The following ATP6V1A variants were observed in gnomAD, a reference collection of about 807,000 sequenced individuals.
ATP6V1A encodes the protein ATPase H+ transporting V1 subunit A, also known as V-type proton ATPase catalytic subunit A.
In ATP6V1A, 18 loss-of-function variants were observed where a neutral mutation model predicts 70.1. The observed-to-expected ratio is 0.26, with a 90% CI of 0.18 to 0.38. The LOEUF (loss-of-function observed/expected upper bound fraction) is 0.38. ATP6V1A is among the 10% of genes least tolerant of loss of function. The probability of loss-of-function intolerance (pLI) is 1.00; values close to 1 mark genes in which losing one functional copy is unlikely to be tolerated. For missense variants in ATP6V1A, 424 were observed against 772.4 expected (o/e 0.55, Z 5.35); for synonymous variants, 232 against 253.8 (o/e 0.91, Z 0.82).
chr3:113,753,560 A>C (rs1313851447), intron 1 of ATP6V1A, among the ~76,000 whole-genome samples: 1 of 152,196 alleles, frequency 6.6e-6, no homozygotes, highest in African/African-American at 2.4e-5. Flanking sequence ...GCCTGTTAAT[A>C]GGGGTATTGT....
chr3:113,760,712 A>G (rs1708693802), intron 1 of ATP6V1A, among the ~76,000 whole-genome samples: 2 of 152,062 alleles, frequency 1.3e-5, no homozygotes, highest in South Asian at 2.1e-4. Context: ...CTGGGCAACA[A>G]TAAGACTCCA....
In ATP6V1A at chr3:113,784,859, G is replaced by A; in HGVS notation, c.564+26G>A. ...GTAAGTATCATTTGAACTTTATCCT[G>A]CAGAGTGCCTCTATTTCTATATGAT... On this transcript the variant is annotated intron_variant, in intron 5 of 14. Coordinates refer to ENST00000273398, the MANE Select transcript of ATP6V1A (RefSeq NM_001690.4). 3 of 1,609,178 alleles carry A rather than the reference G, an allele frequency of 1.9e-6. No individual in the cohort carries two copies. The South Asian group carries it at 3.3e-5, about 18-fold the overall frequency.
Position 113,776,233 on chromosome 3 carries a change from C to T in ATP6V1A, c.-13-2508C>T, listed in dbSNP as rs575032225. Among the ~76,000 whole-genome samples the T allele has an allele frequency of 5.7e-3, 841 of 147,040 alleles. 2 individuals are homozygous for T. The highest frequency in any genetic ancestry group is 0.014 in the Admixed American group (202 of 14,804). ...AATTAGCTGGATGTGGTGTCGTGTG[C>T]TTGTCATGCCAACTACTGGGTGGGG... On this transcript the variant is annotated intron_variant, in intron 1 of 14. Coordinates refer to ENST00000273398, the MANE Select transcript of ATP6V1A (RefSeq NM_001690.4).
chr3:113,785,823 T>C (rs1472742360), intron 5 of ATP6V1A, among the ~76,000 whole-genome samples: 1 of 150,878 alleles, frequency 6.6e-6, no homozygotes, highest in African/African-American at 2.4e-5. Context: ...CCTTTACTTA[T>C]ATTTAACTAT....
chr3:113,798,322 A>G lies in ATP6V1A; in HGVS notation c.1370A>G (p.Tyr457Cys), dbSNP rs1021435492. 4 of 1,613,946 alleles carry G rather than the reference A, an allele frequency of 2.5e-6. No individual in the cohort carries two copies. Among genetic ancestry groups the G allele is most frequent in the Admixed American group, 1.7e-5 (1 of 59,976 alleles). Residue 457 changes from tyrosine to cysteine, a missense_variant, in exon 12 of 15, where the codon TAT becomes TGT. Physicochemically the swap from Tyr to Cys is radical, Grantham distance 194. This residue lies in a region of ATP6V1A where 127 missense variants were observed against 207.9 expected (regional missense o/e 0.61). Transcript: ENST00000273398. ...SVNWLISYSK[Y>C]MRALDEYYDK... ...AATTGGCTCATCAGCTACAGCAAGT[A>G]TATGCGTGCCTTGGATGAATACTAT...
intron 1 of ATP6V1A, among the ~76,000 whole-genome samples, chr3:113,763,527 G>T (rs1708730694): frequency 2.0e-5 from 3 of 152,194 alleles, no homozygotes; most frequent in Non-Finnish European, 1.5e-5. Flanking sequence ...ATGTGCAGAA[G>T]CTTTAAGACT....
chr3:113,785,506 C>CTTTTTTTTTTTTTTTTTTTTTTTA (rs987781968), intron 5 of ATP6V1A, among the ~76,000 whole-genome samples: 1 of 107,174 alleles, frequency 9.3e-6, no homozygotes, highest in Non-Finnish European at 1.8e-5. Context: ...TTTTTCTTTT[C>CTTTTTTTTTTTTTTTTTTTTTTTA]TTTTTTTTTT....
chr3:113,761,280 C>T (rs1472263848), intron 1 of ATP6V1A, among the ~76,000 whole-genome samples: 1 of 151,888 alleles, frequency 6.6e-6, no homozygotes, highest in African/African-American at 2.4e-5. Context: ...TTTAGTACAA[C>T]ACTGTTGATG....
At chr3:113,760,759 A>G (rs1386750907) in intron 1 of ATP6V1A, among the ~76,000 whole-genome samples, 1 of 151,470 alleles carries the variant, frequency 6.6e-6, no homozygotes, top group Non-Finnish European at 1.5e-5. Context: ...AACAAATGAC[A>G]GGATGGATTC....
chr3:113,792,339 TG>T (rs1409616724), intron 8 of ATP6V1A, among the ~76,000 whole-genome samples: 1 of 152,044 alleles, frequency 6.6e-6, no homozygotes, highest in Non-Finnish European at 1.5e-5. Flanking sequence ...TTTCTTTGCA[TG>T]TTTTTTTTTT....
intron 1 of ATP6V1A, among the ~76,000 whole-genome samples, chr3:113,778,188 G>C (rs932984735): frequency 1.3e-5 from 2 of 152,082 alleles, no homozygotes; most frequent in Non-Finnish European, 2.9e-5. Context: ...GAGGTCAGGA[G>C]TTTGAGACCA....
At chr3:113,778,955 A>C in intron 2 of ATP6V1A, 120 bp downstream of exon 2, 1 of 644,426 alleles carries the variant, frequency 1.6e-6, no homozygotes, top group Non-Finnish European at 2.5e-6. Flanking sequence ...GTTTGTCCTT[A>C]GGCGATCTCA....
rs555676076 is a variant in ATP6V1A, at chr3:113,811,472, C to T, written c.*2045C>T. On this transcript the variant is annotated 3_prime_UTR_variant, in exon 15 of 15. Coordinates refer to ENST00000273398, the MANE Select transcript of ATP6V1A (RefSeq NM_001690.4). The stretch of plus-strand genomic sequence containing the variant: ...ATCAGTTTGCTTCCAAAGTGGCCTA[C>T]TCAAGAGGCCCTAAGACTGGTAGAA... 6.5e-6 allele frequency: 1 copy of T among 152,714 alleles called. No individual in the cohort carries two copies. The highest frequency in any genetic ancestry group is 2.1e-4 in the South Asian group (1 of 4,826). 9.5% of individuals were successfully genotyped at this position (152,714 alleles called of 1,614,324 possible). A position where few individuals can be genotyped will look rare whatever the true frequency, so the allele number is the denominator to read the frequency against.
At chr3:113,749,052 C>T (rs995766200) in intron 1 of ATP6V1A, among the ~76,000 whole-genome samples, 1 of 152,036 alleles carries the variant, frequency 6.6e-6, no homozygotes, top group Admixed American at 6.6e-5. Flanking sequence ...AAAGAGAAAA[C>T]CAGCTAGAAG....
At chr3:113,750,236 T>C (rs1157640041) in intron 1 of ATP6V1A, among the ~76,000 whole-genome samples, 2 of 152,090 alleles carry the variant, frequency 1.3e-5, no homozygotes, top group African/African-American at 4.8e-5. Flanking sequence ...TCCCAGTGCT[T>C]TGGGAGGCCA....
chr3:113,765,844 A>G (rs1197677914), intron 1 of ATP6V1A, among the ~76,000 whole-genome samples: 1 of 149,636 alleles, frequency 6.7e-6, no homozygotes, highest in Non-Finnish European at 1.5e-5. Context: ...GGAGAATCGC[A>G]TGAACCCAGG....
At chr3:113,768,132 T>A (rs558567328) in intron 1 of ATP6V1A, among the ~76,000 whole-genome samples, 1 of 152,024 alleles carries the variant, frequency 6.6e-6, no homozygotes, top group South Asian at 2.1e-4. Context: ...AATAGAAGAG[T>A]GTGTGTGTGT....
chr3:113,757,883 C>T (rs9844946), intron 1 of ATP6V1A, among the ~76,000 whole-genome samples: 50,315 of 152,126 alleles, frequency 0.33, 8,476 homozygotes, highest in East Asian at 0.36. Context: ...TGGTGGCTCA[C>T]GCCTGTAATC....
At chr3:113,765,732 C>T (rs1708762220) in intron 1 of ATP6V1A, among the ~76,000 whole-genome samples, 1 of 141,766 alleles carries the variant, frequency 7.1e-6, no homozygotes, top group Non-Finnish European at 1.5e-5. Flanking sequence ...GCTTGGCCAA[C>T]ATTGTGAAAT....
Sources: allele counts gnomAD v4.1 joint callset (sites outside exome capture counted in the v4.1 genomes callset), GRCh38; gene constraint gnomAD v4.1.1; regional missense constraint gnomAD v4.1.1; transcripts MANE v1.5; gene names NCBI Gene and HGNC (gene_info 2026-07-23, HGNC 2026-07-21).